The following CACNA1C variants were observed in gnomAD, a reference collection of about 807,000 sequenced individuals.
CACNA1C encodes the protein calcium voltage-gated channel subunit alpha1 C.
CACNA1C carries 30 observed loss-of-function variants against 229.0 expected under a neutral mutation model. The ratio of observed to expected loss-of-function variants is 0.13; its 90% confidence interval spans 0.10 to 0.18. The LOEUF is 0.18. Ranked by LOEUF, CACNA1C falls within the 10% of genes least tolerant of loss-of-function variation. The pLI is 1.00. For synonymous variants in CACNA1C, 1,114 were observed against 1,132.5 expected, an observed-to-expected ratio of 0.98 and a Z score of 0.33; for missense variants, 1,658 against 2,845.0, an observed-to-expected ratio of 0.58 and a Z score of 9.49.
chr12:2,152,274 A>C lies in CACNA1C; in HGVS notation c.477+31844A>C, dbSNP rs535108992. ...AGGGATAGAATTTTCAGCTGGGCAC[A>C]TGACTGCTTAGAATGAAGAACTACA... On this transcript the variant is annotated intron_variant, in intron 3 of 46. Coordinates refer to ENST00000399655, the MANE Select transcript of CACNA1C (RefSeq NM_000719.7). This position sits in a 1 kb window ranked among gnomAD's most constrained non-coding sequence, Gnocchi z 4.2. Among the ~76,000 whole-genome samples, 2 of 152,382 alleles carry C rather than the reference A, an allele frequency of 1.3e-5. No individual in the cohort carries two copies. Among genetic ancestry groups the C allele is most frequent in the Admixed American group, 1.3e-4 (2 of 15,312 alleles).
intron 43 of CACNA1C, among the ~76,000 whole-genome samples, chr12:2,685,398 C>T (rs1341256528): frequency 2.6e-5 from 4 of 151,028 alleles, no homozygotes; most frequent in Non-Finnish European, 5.9e-5. Context: ...AACACGGGAG[C>T]CAAGGCCATT....
At chr12:2,564,171 A>G (rs2049017601) in intron 11 of CACNA1C, among the ~76,000 whole-genome samples, 1 of 152,196 alleles carries the variant, frequency 6.6e-6, no homozygotes, top group Non-Finnish European at 1.5e-5. Context: ...ACAAAGTTTT[A>G]TGTAAAAATA....
chr12:2,489,430 C>T (rs961044939), intron 6 of CACNA1C, among the ~76,000 whole-genome samples: 9 of 152,200 alleles, frequency 5.9e-5, no homozygotes, highest in African/African-American at 1.2e-4. Context: ...GAAGAGGCGG[C>T]GTTTCCCTAA....
intron 3 of CACNA1C, among the ~76,000 whole-genome samples, chr12:2,170,654 G>A (rs1003791878): frequency 6.6e-6 from 1 of 152,254 alleles, no homozygotes; most frequent in African/African-American, 2.4e-5. Context: ...CCTGGGGAGT[G>A]CAGAGTGTGT....
Position 2,066,711 on chromosome 12 carries a change from G to A in CACNA1C, c.49+13100G>A, listed in dbSNP as rs181045869. Among the ~76,000 whole-genome samples, 5 of 152,298 alleles carry A rather than the reference G, an allele frequency of 3.3e-5. No individual in the cohort carries two copies. The East Asian group carries it at 9.7e-4, about 29-fold the overall frequency. ...GAGATTGGAAATGCAAGAGAGGGGA[G>A]CAGATGGGGAAGAAGGCAGTAGGCA... On this transcript the variant is annotated intron_variant, in intron 1 of 46. Transcript: ENST00000399655.
intron 1 of CACNA1C, among the ~76,000 whole-genome samples, chr12:2,060,652 TG>T (rs1041605341): frequency 2.0e-5 from 3 of 152,250 alleles, no homozygotes; most frequent in African/African-American, 7.2e-5. Flanking sequence ...TTGAGTTCCC[TG>T]GAGGAAGCCA....
intron 3 of CACNA1C, among the ~76,000 whole-genome samples, chr12:2,420,228 C>T (rs1246695615): frequency 6.6e-6 from 1 of 151,706 alleles, no homozygotes; most frequent in Non-Finnish European, 1.5e-5. Context: ...GAGCCACTCC[C>T]ACTAACTGAA....
intron 3 of CACNA1C, among the ~76,000 whole-genome samples, chr12:2,255,584 C>T (rs902527862): frequency 2.6e-5 from 4 of 152,204 alleles, no homozygotes; most frequent in Non-Finnish European, 5.9e-5. Context: ...CCAGAAGGGG[C>T]ACTTCCCAGT....
chr12:1,977,380 G>C (rs2154461859), intron 1 of CACNA1C, among the ~76,000 whole-genome samples: 1 of 152,318 alleles, frequency 6.6e-6, no homozygotes, highest in South Asian at 2.1e-4. Context: ...ATTTTGGAAA[G>C]CTCGACAACT....
At chr12:2,523,988 G>A (rs1208351541) in intron 9 of CACNA1C, among the ~76,000 whole-genome samples, 1 of 152,256 alleles carries the variant, frequency 6.6e-6, no homozygotes, top group African/African-American at 2.4e-5. Flanking sequence ...GTGGAGGGGA[G>A]AGTGACAGCT....
At chr12:2,074,418 A>G (rs866480956) in intron 1 of CACNA1C, among the ~76,000 whole-genome samples, 1 of 152,166 alleles carries the variant, frequency 6.6e-6, no homozygotes, top group African/African-American at 2.4e-5. Context: ...ATTTGTTTCC[A>G]GCATACAGGT....
At chr12:2,038,185 A>T (rs1274880587) in intron 1 of CACNA1C, among the ~76,000 whole-genome samples, 1 of 152,176 alleles carries the variant, frequency 6.6e-6, no homozygotes, top group Non-Finnish European at 1.5e-5. Context: ...GCTGTTAGTG[A>T]CTTAGGATTT....
At position 2,597,403 on chromosome 12, in the gene CACNA1C, C is replaced by T. The variant is rs750718463; in HGVS notation, c.2853+114C>T. On this transcript the variant is annotated intron_variant, in intron 21 of 46. Coordinates refer to ENST00000399655, the MANE Select transcript of CACNA1C (RefSeq NM_000719.7). The surrounding 1 kb of genome is among the most constrained non-coding windows in gnomAD (Gnocchi z 4.3). ...TTCCTGTTGGTGTGGGGTTCACTCT[C>T]AGAGCCACTAATCCAATTATGCTTA... 2 of 1,568,782 alleles carry T rather than the reference C, an allele frequency of 1.3e-6. No individual in the cohort carries two copies. Among genetic ancestry groups the T allele is most frequent in the Middle Eastern group, 1.7e-4 (1 of 5,992 alleles).
At chr12:2,224,006 A>G (rs2062176263) in intron 3 of CACNA1C, among the ~76,000 whole-genome samples, 1 of 152,182 alleles carries the variant, frequency 6.6e-6, no homozygotes, top group South Asian at 2.1e-4. Flanking sequence ...GGGAGAGAAT[A>G]CCTCTGGAGA....
At chr12:2,528,961 A>G (rs2154581213) in intron 9 of CACNA1C, among the ~76,000 whole-genome samples, 1 of 152,316 alleles carries the variant, frequency 6.6e-6, no homozygotes, top group South Asian at 2.1e-4. Context: ...GGTCTGAGCT[A>G]GCTTGAACTG....
chr12:2,088,227 C>CT (rs1393269436), intron 1 of CACNA1C, among the ~76,000 whole-genome samples: 1 of 152,190 alleles, frequency 6.6e-6, no homozygotes, highest in Admixed American at 6.5e-5. Flanking sequence ...AGACATGCAG[C>CT]TTTTTGCAAA....
chr12:2,502,086 C>G (rs372600188), intron 7 of CACNA1C, among the ~76,000 whole-genome samples: 3 of 152,318 alleles, frequency 2.0e-5, no homozygotes, highest in African/African-American at 7.2e-5. Context: ...CCCTTGCCCC[C>G]CTCAGCCTCA....
intron 3 of CACNA1C, among the ~76,000 whole-genome samples, chr12:2,229,420 A>G (rs544161200): frequency 4.9e-4 from 75 of 152,260 alleles, no homozygotes; most frequent in African/African-American, 1.8e-3. Flanking sequence ...CATTCATCAA[A>G]TATTTATCGT....
intron 1 of CACNA1C, among the ~76,000 whole-genome samples, chr12:2,097,348 A>T (rs2079858): frequency 2.0e-5 from 3 of 151,778 alleles, no homozygotes; most frequent in Non-Finnish European, 4.4e-5. Context: ...GGGTTTCACC[A>T]TGTTAGCCAG....
Sources: allele counts gnomAD v4.1 joint callset (sites outside exome capture counted in the v4.1 genomes callset), GRCh38; gene constraint gnomAD v4.1.1; non-coding constraint Gnocchi (gnomAD v3.1); transcripts MANE v1.5; gene names NCBI Gene and HGNC (gene_info 2026-07-23, HGNC 2026-07-21).